The following ZC3H18 variants were observed in gnomAD, a reference collection of about 807,000 sequenced individuals.
ZC3H18 encodes the protein zinc finger CCCH domain-containing protein 18.
Under a neutral mutation model 106.1 loss-of-function variants are expected in ZC3H18, and 8 were observed. That is an observed-to-expected ratio of 0.08 (90% CI 0.04 to 0.14). The LOEUF (loss-of-function observed/expected upper bound fraction) is 0.14. Among genes scored for constraint, ZC3H18 ranks in the 10% least tolerant of loss-of-function variants. ZC3H18 has a pLI of 1.00. For missense variants in ZC3H18, 1,318 were observed against 1,278.4 expected (o/e 1.03, Z -0.47); for synonymous variants, 635 against 522.1 (o/e 1.22, Z -2.95).
At chr16:88,609,937 T>TA (rs1246181207) in intron 7 of ZC3H18, among the ~76,000 whole-genome samples, 1 of 152,130 alleles carries the variant, frequency 6.6e-6, no homozygotes, top group Non-Finnish European at 1.5e-5. Context: ...CCAGTATACT[T>TA]ACTGATGCCT....
intron 8 of ZC3H18, among the ~76,000 whole-genome samples, chr16:88,620,593 A>AG (rs1905896421): frequency 6.6e-6 from 1 of 151,482 alleles, no homozygotes; most frequent in Non-Finnish European, 1.5e-5. Context: ...AAGAAAAAAA[A>AG]AAAAAAAGCC....
intron 9 of ZC3H18, chr16:88,622,983 G>A (rs918404512): frequency 1.0e-5 from 6 of 580,040 alleles, no homozygotes; most frequent in South Asian, 6.1e-5. Flanking sequence ...CACACCCCAC[G>A]CCCAGGTCTT....
chr16:88,611,645 CCAGGGGACCAGTG>C, intron 8 of ZC3H18, 109 bp downstream of exon 8: 1 of 1,439,424 alleles, frequency 6.9e-7, no homozygotes, highest in Non-Finnish European at 9.2e-7. Context: ...GCTCTGGAGC[CCAGGGGACCAGTG>C]CAGGCCCACA....
At chr16:88,612,277 G>C (rs896897001) in intron 8 of ZC3H18, among the ~76,000 whole-genome samples, 20 of 152,074 alleles carry the variant, frequency 1.3e-4, no homozygotes, top group African/African-American at 4.6e-4. Flanking sequence ...ATTAATGGAC[G>C]CTGCAACATA....
chr16:88,600,662 G>A (rs1904701046), intron 6 of ZC3H18, among the ~76,000 whole-genome samples: 1 of 152,104 alleles, frequency 6.6e-6, no homozygotes, highest in Admixed American at 6.5e-5. Context: ...ATCCACCCAC[G>A]CCTGCCTCCC....
intron 6 of ZC3H18, among the ~76,000 whole-genome samples, chr16:88,608,100 A>G (rs1023860782): frequency 6.6e-6 from 1 of 152,050 alleles, no homozygotes; most frequent in Non-Finnish European, 1.5e-5. Flanking sequence ...GGCTTTATCA[A>G]GTCTCTGGGT....
In ZC3H18 at chr16:88,627,957, G is replaced by A; in HGVS notation, c.2307G>A (p.Lys769=). The A allele has an allele frequency of 6.2e-7, 1 of 1,614,146 alleles. No individual in the cohort carries two copies. The highest frequency in any genetic ancestry group is 1.1e-5 in the South Asian group (1 of 91,086). Residue 769 remains lysine, a synonymous_variant, in exon 15 of 18, where the codon AAG becomes AAA. Coordinates refer to ENST00000301011, the MANE Select transcript of ZC3H18 (RefSeq NM_144604.4). The surrounding 1 kb of genome is among the most constrained non-coding windows in gnomAD (Gnocchi z 4.5). ...SKKEDGVKEE[K]RKRDSSTQPP... ...AAGAAGACGGTGTTAAAGAGGAAAA[G>A]CGGAAAAGGGATTCGTCCACACAAC...
chr16:88,572,238 G>A (rs1914453371), intron 1 of ZC3H18, among the ~76,000 whole-genome samples: 1 of 152,270 alleles, frequency 6.6e-6, no homozygotes, highest in Non-Finnish European at 1.5e-5. Context: ...CATTTCAGCA[G>A]TGCCGTTGGA....
At chr16:88,612,110 C>G (rs138872240) in intron 8 of ZC3H18, among the ~76,000 whole-genome samples, 14 of 152,284 alleles carry the variant, frequency 9.2e-5, no homozygotes, top group African/African-American at 3.1e-4. Context: ...GGGGCACAGT[C>G]AAGACCCATG....
At chr16:88,603,894 A>G (rs142605885) in intron 6 of ZC3H18, among the ~76,000 whole-genome samples, 13 of 151,526 alleles carry the variant, frequency 8.6e-5, no homozygotes, top group African/African-American at 3.1e-4. Context: ...TGGCCTCCCA[A>G]AGTGCTGGGA....
At position 88,598,159 on chromosome 16, in the gene ZC3H18, C is replaced by T. The variant is rs752529159; in HGVS notation, c.689-19C>T. The T allele has an allele frequency of 6.5e-7, 1 of 1,550,014 alleles. No homozygotes were observed. Among genetic ancestry groups the T allele is most frequent in the East Asian group, 2.5e-5 (1 of 39,456 alleles). ...TAGGCTCTTGTGGACCCTTTCTGAT[C>T]TCACTTTTGTTTCCATAGGGAACTG... On this transcript the variant is annotated intron_variant, in intron 3 of 17. Transcript: ENST00000301011.
At chr16:88,615,957 C>T (rs1397274635) in intron 8 of ZC3H18, among the ~76,000 whole-genome samples, 5 of 152,200 alleles carry the variant, frequency 3.3e-5, no homozygotes, top group African/African-American at 7.2e-5. Flanking sequence ...TGCTGTGGCC[C>T]GCACTTTAGT....
chr16:88,597,895 C>T (rs1225212910), intron 3 of ZC3H18, among the ~76,000 whole-genome samples: 5 of 152,226 alleles, frequency 3.3e-5, no homozygotes, highest in Non-Finnish European at 7.3e-5. Flanking sequence ...AATACTCAGA[C>T]AGTTGATACG....
chr16:88,615,464 C>G (rs558405585), intron 8 of ZC3H18, among the ~76,000 whole-genome samples: 62 of 152,320 alleles, frequency 4.1e-4, no homozygotes, highest in African/African-American at 1.5e-3. Flanking sequence ...CAGGTTGGTG[C>G]TTACCCACAT....
intron 1 of ZC3H18, among the ~76,000 whole-genome samples, chr16:88,576,191 G>C (rs185539240): frequency 1.3e-5 from 2 of 150,852 alleles, no homozygotes; most frequent in African/African-American, 4.9e-5. Context: ...GTGAGCCACC[G>C]CGCCTGGCCT....
Position 88,630,595 on chromosome 16 carries a change from A to G in ZC3H18, c.2663+14A>G. On this transcript the variant is annotated intron_variant, in intron 17 of 17. Coordinates refer to ENST00000301011, the MANE Select transcript of ZC3H18 (RefSeq NM_144604.4). ...CCCGGCTGACAGGTGAGTCCCACCC[A>G]GCATGTGCCCTGGGCACACCGAGGG... The G allele has an allele frequency of 6.3e-7, 1 of 1,592,952 alleles. No homozygotes were observed. The highest frequency in any genetic ancestry group is 8.5e-7 in the Non-Finnish European group (1 of 1,173,230).
chr16:88,594,328 C>G (rs957919325), intron 3 of ZC3H18, among the ~76,000 whole-genome samples: 20 of 152,128 alleles, frequency 1.3e-4, no homozygotes, highest in Non-Finnish European at 2.1e-4. Flanking sequence ...CTCTTAATTT[C>G]TAATATCGTA....
At chr16:88,612,863 C>T (rs1905349066) in intron 8 of ZC3H18, among the ~76,000 whole-genome samples, 1 of 146,566 alleles carries the variant, frequency 6.8e-6, no homozygotes, top group Non-Finnish European at 1.5e-5. Context: ...ATTAGCAGGG[C>T]GTGGTAGTGC....
At chr16:88,624,280 G>A (rs959266871) in intron 11 of ZC3H18, 48 of 700,674 alleles carry the variant, frequency 6.9e-5, no homozygotes, top group Middle Eastern at 4.0e-4. Context: ...GAACCCTGGG[G>A]ACAGAGCACA....
Sources: allele counts gnomAD v4.1 joint callset (sites outside exome capture counted in the v4.1 genomes callset), GRCh38; gene constraint gnomAD v4.1.1; non-coding constraint Gnocchi (gnomAD v3.1); transcripts MANE v1.5; gene names NCBI Gene and HGNC (gene_info 2026-07-23, HGNC 2026-07-21).